Variants in DPH5 observed in about 807,000 individuals in gnomAD.
The protein encoded by DPH5 is diphthine methyl ester synthase.
DPH5 carries 31 observed loss-of-function variants against 31.6 expected under a neutral mutation model. The ratio of observed to expected loss-of-function variants is 0.98; its 90% confidence interval spans 0.74 to 1.32. The LOEUF (loss-of-function observed/expected upper bound fraction) is 1.32. DPH5 is among the 40% of genes most tolerant of loss of function. The pLI, the probability that DPH5 is intolerant of heterozygous loss-of-function variation, is 0.00. For synonymous variants in DPH5, 120 were observed against 115.0 expected, an observed-to-expected ratio of 1.04 and a Z score of -0.28; for missense variants, 309 against 335.7, an observed-to-expected ratio of 0.92 and a Z score of 0.62.
chr1:101,001,322 G>T (rs963715688), intron 5 of DPH5, 145 bp downstream of exon 5: 16 of 683,236 alleles, frequency 2.3e-5, no homozygotes, highest in Admixed American at 6.6e-5. Flanking sequence ...CTAAGAGCAT[G>T]GGAAAGAGTG....
rs575932384 is a variant in DPH5 at position 100,990,650 on chromosome 1, A to G, written c.635-19T>C. On this transcript the variant is annotated intron_variant, in intron 7 of 7. Coordinates refer to ENST00000370109, the MANE Select transcript of DPH5 (RefSeq NM_015958.3). ...GTAACTGCTATTAAAAAAAAAAGATACTGCTATTCAATTCAGCAAATGCAT... is the reference window on the plus strand; with the variant it reads ...GTAACTGCTATTAAAAAAAAAAGATGCTGCTATTCAATTCAGCAAATGCAT... 1 of 1,609,408 alleles carries G rather than the reference A, an allele frequency of 6.2e-7. No individual in the cohort carries two copies. Among genetic ancestry groups the G allele is most frequent in the East Asian group, 2.2e-5 (1 of 44,816 alleles).
At chr1:101,010,594 T>A (rs1659553636) in intron 4 of DPH5, among the ~76,000 whole-genome samples, 1 of 152,200 alleles carries the variant, frequency 6.6e-6, no homozygotes, top group African/African-American at 2.4e-5. Flanking sequence ...ATTTCTAGGT[T>A]AGAAATTTCA....
intron 2 of DPH5, chr1:101,023,281 T>A (rs1413125142): frequency 6.6e-6 from 1 of 152,200 alleles, no homozygotes; most frequent in Non-Finnish European, 1.5e-5. Context: ...CCTGGCTCTA[T>A]CATTCACTAT....
At chr1:100,995,021 A>C in intron 6 of DPH5, 89 bp downstream of exon 6, 1 of 913,306 alleles carries the variant, frequency 1.1e-6, no homozygotes. Context: ...ATTTTCAACC[A>C]TCTTTAGAAC....
At chr1:101,001,830 A>T (rs908826738) in intron 4 of DPH5, among the ~76,000 whole-genome samples, 1 of 152,126 alleles carries the variant, frequency 6.6e-6, no homozygotes, top group Admixed American at 6.6e-5. Context: ...TGCATTCTGT[A>T]TAGGAACATG....
At chr1:100,995,454 TTTG>T (rs1391077959) in intron 5 of DPH5, 1 of 220,604 alleles carries the variant, frequency 4.5e-6, no homozygotes, top group African/African-American at 2.2e-5. Flanking sequence ...AATCACAATC[TTTG>T]TTTTCATTTC....
intron 4 of DPH5, among the ~76,000 whole-genome samples, chr1:101,006,072 A>G (rs192236262): frequency 1.3e-5 from 2 of 152,320 alleles, no homozygotes; most frequent in East Asian, 1.9e-4. Context: ...CCCTACAGAC[A>G]TAATTGTAAG....
At chr1:101,007,585 G>T (rs571295572) in intron 4 of DPH5, among the ~76,000 whole-genome samples, 3 of 152,026 alleles carry the variant, frequency 2.0e-5, no homozygotes, top group African/African-American at 7.2e-5. Flanking sequence ...TGTGGTGGTG[G>T]GCGCCTGTAG....
At chr1:101,007,235 T>G (rs1362718359) in intron 4 of DPH5, among the ~76,000 whole-genome samples, 4 of 152,202 alleles carry the variant, frequency 2.6e-5, no homozygotes, top group Non-Finnish European at 4.4e-5. Context: ...GTGGTGGTAC[T>G]ATGGATGCTT....
rs367830900 is a variant in DPH5 at position 101,012,204 on chromosome 1, C to T, written c.369+1506G>A. Among the ~76,000 whole-genome samples the T allele has an allele frequency of 9.9e-5, 15 of 152,234 alleles. No individual in the cohort carries two copies. In the South Asian group the frequency reaches 2.5e-3, roughly 25 times the overall value. Reference sequence around the variant, plus strand: ...GCGTGAGCTACCACGCCCAGCCATCCGTCATCAGTTCTTAAAAGGCAGCAT... The same window carrying T: ...GCGTGAGCTACCACGCCCAGCCATCTGTCATCAGTTCTTAAAAGGCAGCAT... On this transcript the variant is annotated intron_variant, in intron 4 of 7. Coordinates refer to ENST00000370109, the MANE Select transcript of DPH5 (RefSeq NM_015958.3).
chr1:101,009,454 T>C (rs921292931), intron 4 of DPH5, among the ~76,000 whole-genome samples: 2 of 152,176 alleles, frequency 1.3e-5, no homozygotes, highest in Non-Finnish European at 2.9e-5. Flanking sequence ...CCCCAATTCC[T>C]TTCCTAGGAC....
intron 2 of DPH5, 60 bp downstream of exon 2, chr1:101,025,249 A>G: frequency 6.3e-7 from 1 of 1,599,236 alleles, no homozygotes; most frequent in Non-Finnish European, 8.5e-7. Context: ...AGCTTAGTGT[A>G]TGAAAATCAG....
At chr1:101,007,209 CTG>C (rs1156404163) in intron 4 of DPH5, among the ~76,000 whole-genome samples, 6 of 152,064 alleles carry the variant, frequency 3.9e-5, no homozygotes, top group African/African-American at 1.4e-4. Flanking sequence ...AAATTGGTAA[CTG>C]TGGATATCTC....
rs778022673 is a variant in DPH5 at position 101,001,544 on chromosome 1, T to A, written c.413A>T (p.Asp138Val). The A allele has an allele frequency of 1.4e-5, 23 of 1,609,156 alleles. No homozygotes were observed. In the South Asian group the frequency reaches 2.5e-4, roughly 18 times the overall value. Residue 138 changes from aspartate to valine, a missense_variant, in exon 5 of 8, where the codon GAC becomes GTC. By Grantham distance (152) the Asp-to-Val change is radical (BLOSUM62 -3). Transcript: ENST00000370109. ...GETVSIVFWTDTWRPESFFDK... is the reference protein window; with the variant it reads ...GETVSIVFWTVTWRPESFFDK... ...AAAGAAGCTTTCTGGTCTCCAAGTG[T>A]CTGTCCAAAAAACAATAGAAACTGT...
At chr1:101,025,662 A>T (rs1438478671) in intron 1 of DPH5, 21 bp downstream of exon 1, 20 of 566,400 alleles carry the variant, frequency 3.5e-5, no homozygotes, top group Non-Finnish European at 5.9e-5. Context: ...TTGTTACACA[A>T]ACCTAGGAGC....
intron 4 of DPH5, among the ~76,000 whole-genome samples, chr1:101,005,977 A>G (rs1258450777): frequency 6.6e-6 from 1 of 152,074 alleles, no homozygotes; most frequent in African/African-American, 2.4e-5. Flanking sequence ...TTCTCACAAG[A>G]TCTGATGGTT....
intron 7 of DPH5, among the ~76,000 whole-genome samples, chr1:100,991,799 A>AAAAAAAAAAAAAG (rs1276029078): frequency 6.6e-6 from 1 of 151,418 alleles, no homozygotes; most frequent in Non-Finnish European, 1.5e-5. Context: ...AAAAAAAAAA[A>AAAAAAAAAAAAAG]AAAAGTCTCA....
intron 3 of DPH5, among the ~76,000 whole-genome samples, chr1:101,016,797 G>A (rs1660112816): frequency 6.6e-6 from 1 of 152,098 alleles, no homozygotes. Flanking sequence ...TTCAAAGTGA[G>A]AGACATGTGA....
At chr1:101,006,730 T>C (rs916161879) in intron 4 of DPH5, among the ~76,000 whole-genome samples, 9 of 152,154 alleles carry the variant, frequency 5.9e-5, no homozygotes, top group African/African-American at 1.9e-4. Context: ...CAATGAATGT[T>C]GTGGTATTAA....
Sources: gnomAD v4.1 joint callset for allele counts (sites outside exome capture counted in the v4.1 genomes callset) on GRCh38, gnomAD v4.1.1 for gene constraint, MANE v1.5 for transcripts, NCBI Gene and HGNC (gene_info 2026-07-23, HGNC 2026-07-21) for gene names.